NAV2: variants seen among roughly 807,000 people sequenced by gnomAD.
The protein encoded by NAV2 is neuron navigator 2.
NAV2 carries 54 observed loss-of-function variants against 223.2 expected under a neutral mutation model. That is an observed-to-expected ratio of 0.24 (90% confidence interval 0.19 to 0.30). NAV2 has a LOEUF of 0.30. Among genes scored for constraint, NAV2 ranks in the 10% least tolerant of loss-of-function variants. NAV2 has a pLI of 1.00. For synonymous variants in NAV2, 1,279 were observed against 1,239.3 expected (o/e 1.03, Z -0.67); for missense variants, 2,806 against 3,147.5 (o/e 0.89, Z 2.60).
At chr11:19,841,090 T>A (rs1052457684) in intron 2 of NAV2, among the ~76,000 whole-genome samples, 5 of 152,204 alleles carry the variant, frequency 3.3e-5, no homozygotes, top group African/African-American at 1.2e-4. Context: ...CCTAGTGTTC[T>A]TATATTAAGA....
At chr11:19,431,690 T>C (rs1381558587) in intron 1 of NAV2, among the ~76,000 whole-genome samples, 1 of 152,122 alleles carries the variant, frequency 6.6e-6, no homozygotes, top group Non-Finnish European at 1.5e-5. Flanking sequence ...ATGCCTGGTG[T>C]CGGAAGATAG....
intron 1 of NAV2, among the ~76,000 whole-genome samples, chr11:19,647,786 G>C (rs2047858820): frequency 6.6e-6 from 1 of 152,176 alleles, no homozygotes; most frequent in Admixed American, 6.5e-5. Flanking sequence ...GTGGGCTCTG[G>C]GCAAGAGGGC....
intron 1 of NAV2, among the ~76,000 whole-genome samples, chr11:19,452,107 AGTGTGTGTGT>A (rs60628637): frequency 0.17 from 24,698 of 146,686 alleles, 2,291 homozygotes; most frequent in Middle Eastern, 0.22. Flanking sequence ...AGGTTACAAA[AGTGTGTGTGT>A]GTGTGTGTGT....
intron 5 of NAV2, among the ~76,000 whole-genome samples, chr11:19,886,983 AC>A (rs919256589): frequency 6.6e-6 from 1 of 151,422 alleles, no homozygotes; most frequent in African/African-American, 2.4e-5. Context: ...CCTTCTCTAC[AC>A]CCCCCTTTCC....
chr11:19,431,757 T>C (rs1240940189), intron 1 of NAV2, among the ~76,000 whole-genome samples: 2 of 152,190 alleles, frequency 1.3e-5, no homozygotes, highest in Non-Finnish European at 1.5e-5. Flanking sequence ...TCTATCAAGA[T>C]GAAATATAGT....
At chr11:19,415,168 G>T (rs983464142) in intron 1 of NAV2, among the ~76,000 whole-genome samples, 2 of 152,088 alleles carry the variant, frequency 1.3e-5, no homozygotes, top group African/African-American at 4.8e-5. Flanking sequence ...CTGGTTTTTT[G>T]AGAAGATTAA....
chr11:19,924,192 G>C (rs2044522184), intron 6 of NAV2, among the ~76,000 whole-genome samples: 1 of 151,628 alleles, frequency 6.6e-6, no homozygotes, highest in Admixed American at 6.6e-5. Flanking sequence ...CCTTTGTTTA[G>C]CTTTACCAAT....
chr11:19,933,832 C>A lies in NAV2; in HGVS notation c.1588C>A (p.Pro530Thr). ...AGAAGACCCCAGTGGAGCAGCTGTGCCCGAGATGCCAAAAAAGTCCTCCAA... is the reference window on the plus strand; with the variant it reads ...AGAAGACCCCAGTGGAGCAGCTGTGACCGAGATGCCAAAAAAGTCCTCCAA... ...PKEDPSGAAVPEMPKKSSKIA... is the reference protein window; with the variant it reads ...PKEDPSGAAVTEMPKKSSKIA... The change falls in exon 7 of 38, where the codon CCC becomes ACC. Residue 530 changes from proline (P) to threonine (T), a missense_variant. Pro to Thr is a conservative substitution (Grantham distance 38, BLOSUM62 -1). Coordinates refer to ENST00000349880, the MANE Select transcript of NAV2 (RefSeq NM_145117.5). The surrounding 1 kb of genome is among the most constrained non-coding windows in gnomAD (Gnocchi z 4.3). 1 of 1,609,706 alleles carries A rather than the reference C, an allele frequency of 6.2e-7. No individual in the cohort carries two copies. The highest frequency in any genetic ancestry group is 8.5e-7 in the Non-Finnish European group (1 of 1,178,846).
chr11:19,797,224 C>T (rs577956610), intron 1 of NAV2, among the ~76,000 whole-genome samples: 1 of 144,690 alleles, frequency 6.9e-6, no homozygotes, highest in African/African-American at 2.9e-5. Context: ...TCCCCTCCAC[C>T]CCTCCTGGTC....
intron 1 of NAV2, among the ~76,000 whole-genome samples, chr11:19,458,763 G>C (rs998375539): frequency 6.6e-6 from 1 of 152,260 alleles, no homozygotes; most frequent in African/African-American, 2.4e-5. Context: ...TCAGACTCCT[G>C]TGCTAGCATG....
chr11:19,647,852 G>A (rs187797129), intron 1 of NAV2, among the ~76,000 whole-genome samples: 220 of 152,290 alleles, frequency 1.4e-3, no homozygotes, highest in African/African-American at 4.8e-3. Context: ...AAAAGTTAGC[G>A]GTCATTGAGC....
intron 26 of NAV2, among the ~76,000 whole-genome samples, chr11:20,086,123 A>G (rs2060428518): frequency 6.6e-6 from 1 of 152,232 alleles, no homozygotes; most frequent in Admixed American, 6.5e-5. Flanking sequence ...GGCCTAGAAC[A>G]CGCAAGGCTT....
intron 1 of NAV2, among the ~76,000 whole-genome samples, chr11:19,477,357 T>G (rs188295645): frequency 6.6e-6 from 1 of 152,344 alleles, no homozygotes; most frequent in Admixed American, 6.5e-5. Flanking sequence ...TTTGTTTGCA[T>G]TATTTATTAT....
chr11:20,111,058 A>T (rs1324467456), intron 36 of NAV2, among the ~76,000 whole-genome samples: 6 of 152,164 alleles, frequency 3.9e-5, no homozygotes, highest in African/African-American at 1.4e-4. Flanking sequence ...GAAACATGAT[A>T]TCGCCCTCTA....
chr11:19,940,317 C>A (rs192257587), intron 8 of NAV2, among the ~76,000 whole-genome samples: 5 of 152,216 alleles, frequency 3.3e-5, no homozygotes, highest in Non-Finnish European at 5.9e-5. Flanking sequence ...GTACATTATA[C>A]TGTATGACGG....
At chr11:19,681,872 C>T (rs1271080519) in intron 1 of NAV2, among the ~76,000 whole-genome samples, 2 of 152,182 alleles carry the variant, frequency 1.3e-5, no homozygotes, top group African/African-American at 4.8e-5. Context: ...TGTCTGGCAG[C>T]CTCAGGAGGC....
At chr11:19,691,304 C>T (rs1254049097) in intron 1 of NAV2, among the ~76,000 whole-genome samples, 1 of 151,880 alleles carries the variant, frequency 6.6e-6, no homozygotes, top group East Asian at 1.9e-4. Flanking sequence ...AATCATTTAA[C>T]CCAATATATC....
chr11:19,820,029 T>C (rs1441840846), intron 1 of NAV2, among the ~76,000 whole-genome samples: 2 of 152,246 alleles, frequency 1.3e-5, no homozygotes, highest in Non-Finnish European at 2.9e-5. Flanking sequence ...GGTGTTTGGC[T>C]GGATGAGGAC....
At chr11:19,902,354 C>T (rs1166335702) in intron 6 of NAV2, among the ~76,000 whole-genome samples, 1 of 152,130 alleles carries the variant, frequency 6.6e-6, no homozygotes, top group Admixed American at 6.6e-5. Context: ...CTGAAGCCAT[C>T]CTTTTTTCAC....
Sources: allele counts gnomAD v4.1 joint callset (sites outside exome capture counted in the v4.1 genomes callset), GRCh38; gene constraint gnomAD v4.1.1; non-coding constraint Gnocchi (gnomAD v3.1); transcripts MANE v1.5; gene names NCBI Gene and HGNC (gene_info 2026-07-23, HGNC 2026-07-21).